Variants in MALRD1 observed in about 807,000 individuals in gnomAD.
MALRD1 encodes the protein MAM and LDL-receptor class A domain-containing protein 1.
A neutral mutation model predicts 242.1 loss-of-function variants in MALRD1; 247 were observed. The observed-to-expected ratio is 1.02, with a 90% CI of 0.92 to 1.13. The LOEUF (loss-of-function observed/expected upper bound fraction) is 1.13, where lower values mean the gene tolerates loss of function less well. Ranked by LOEUF, MALRD1 falls within the 50% of genes most tolerant of loss-of-function variation. MALRD1 has a pLI of 0.00. For synonymous variants in MALRD1, 995 were observed against 866.6 expected, an observed-to-expected ratio of 1.15 and a Z score of -2.60; for missense variants, 2,989 against 2,533.1, an observed-to-expected ratio of 1.18 and a Z score of -3.86.
chr10:19,242,045 GTAT>G (rs1204192470), intron 18 of MALRD1, among the ~76,000 whole-genome samples: 6 of 152,116 alleles, frequency 3.9e-5, no homozygotes, highest in Non-Finnish European at 8.8e-5. Context: ...GTTGGATGAT[GTAT>G]TAGTCTGTTT....
At position 19,655,441 on chromosome 10, in the gene MALRD1, T is replaced by G. The variant is rs372853713; in HGVS notation, c.6138-36841T>G. Among the ~76,000 whole-genome samples, 32 of 150,470 alleles carry G rather than the reference T, an allele frequency of 2.1e-4. 1 individual carries two copies. The highest frequency in any genetic ancestry group is 7.0e-4 in the African/African-American group (29 of 41,158). Reference sequence around the variant, plus strand: ...ATTATTGTTGATTTGAAGATATTCTTGACATCAAAGAGCCTAGAGATCCCA... The same window carrying G: ...ATTATTGTTGATTTGAAGATATTCTGGACATCAAAGAGCCTAGAGATCCCA... On this transcript the variant is annotated intron_variant, in intron 36 of 39. Transcript: ENST00000454679.
chr10:19,728,672 T>A (rs1193907867), intron 38 of MALRD1: 2 of 152,216 alleles, frequency 1.3e-5, no homozygotes, highest in Non-Finnish European at 2.9e-5. Context: ...GGTGTCAGTG[T>A]CTGTCTTATC....
At chr10:19,654,293 G>GT (rs34487676) in intron 36 of MALRD1, among the ~76,000 whole-genome samples, 28 of 151,754 alleles carry the variant, frequency 1.8e-4, no homozygotes, top group Non-Finnish European at 2.8e-4. Flanking sequence ...AAAAAGTGGG[G>GT]TTTTTTTTAG....
chr10:19,262,303 A>G (rs2131821802), intron 19 of MALRD1, among the ~76,000 whole-genome samples: 1 of 152,056 alleles, frequency 6.6e-6, no homozygotes, highest in Admixed American at 6.6e-5. Context: ...CAATCAAACT[A>G]TTAGTAATTG....
At chr10:19,383,758 T>C (rs1459382595) in intron 26 of MALRD1, among the ~76,000 whole-genome samples, 1 of 151,956 alleles carries the variant, frequency 6.6e-6, no homozygotes, top group Non-Finnish European at 1.5e-5. Context: ...AAAAACTTTA[T>C]GGGCTGCCTA....
intron 33 of MALRD1, among the ~76,000 whole-genome samples, chr10:19,594,190 C>G (rs114862858): frequency 6.6e-6 from 1 of 152,136 alleles, no homozygotes; most frequent in Non-Finnish European, 1.5e-5. Context: ...TCTTTTCACT[C>G]GAGCACAATC....
chr10:19,136,577 A>G lies in MALRD1; in HGVS notation c.1207A>G (p.Ile403Val). The G allele has an allele frequency of 7.3e-6, 9 of 1,229,802 alleles. No individual in the cohort carries two copies. Among genetic ancestry groups the G allele is most frequent in the Non-Finnish European group, 9.1e-6 (9 of 986,214 alleles). The allele number at this position is 1,229,802 out of a possible 1,614,324, so 76.2% of individuals were successfully genotyped here. A position where few individuals can be genotyped will look rare whatever the true frequency, so the allele number is the denominator to read the frequency against. Residue 403 changes from isoleucine (I) to valine (V), a missense_variant, in exon 10 of 40, where the codon ATT becomes GTT. Coordinates refer to ENST00000454679, the MANE Select transcript of MALRD1 (RefSeq NM_001142308.3). ...ATTAATCTTTTCCTTCCTAAAGATT[A>G]TTTTTGAAGGGACTCTTTTGAGCCA... Reference protein sequence around the residue: ...IPEDLKTFKIIFEGTLLSQRS... With the variant: ...IPEDLKTFKIVFEGTLLSQRS...
chr10:19,591,017 C>A (rs979456245), intron 33 of MALRD1, among the ~76,000 whole-genome samples: 1 of 152,154 alleles, frequency 6.6e-6, no homozygotes. Flanking sequence ...CAGTTAGTTT[C>A]ACCGCCCTAA....
At chr10:19,430,007 A>G (rs1745385950) in intron 28 of MALRD1, among the ~76,000 whole-genome samples, 1 of 151,820 alleles carries the variant, frequency 6.6e-6, no homozygotes. Flanking sequence ...TGTTCTCAAC[A>G]TCTCAGACTA....
chr10:19,312,029 A>G (rs1347804982), intron 21 of MALRD1, among the ~76,000 whole-genome samples: 1 of 151,406 alleles, frequency 6.6e-6, no homozygotes, highest in Non-Finnish European at 1.5e-5. Context: ...GCTATAAATA[A>G]CCGATAAAGG....
chr10:19,478,869 T>G (rs1212645770), intron 29 of MALRD1, among the ~76,000 whole-genome samples: 1 of 152,240 alleles, frequency 6.6e-6, no homozygotes, highest in African/African-American at 2.4e-5. Context: ...ATCCTCTGAA[T>G]GATTTTCAAT....
intron 29 of MALRD1, among the ~76,000 whole-genome samples, chr10:19,455,728 A>G (rs1371730950): frequency 2.0e-5 from 3 of 152,178 alleles, no homozygotes; most frequent in Non-Finnish European, 4.4e-5. Context: ...TTAGAATTCT[A>G]TTCTGTTTTG....
intron 38 of MALRD1, among the ~76,000 whole-genome samples, chr10:19,712,897 C>T (rs1834199342): frequency 6.6e-6 from 1 of 152,090 alleles, no homozygotes; most frequent in East Asian, 1.9e-4. Flanking sequence ...TACTCATATC[C>T]CTGTCAATAG....
At chr10:19,157,415 T>G (rs1186098942) in intron 12 of MALRD1, among the ~76,000 whole-genome samples, 1 of 151,822 alleles carries the variant, frequency 6.6e-6, no homozygotes, top group African/African-American at 2.4e-5. Flanking sequence ...CCCGGCTAAT[T>G]TTTTTGTATT....
rs1286755272 is a variant in MALRD1, at chr10:19,719,237, T to TAC, written c.6315-11468_6315-11467insCA. Among the ~76,000 whole-genome samples the TAC allele has an allele frequency of 1.0e-4, 13 of 124,908 alleles. 1 individual carries two copies. The highest frequency in any genetic ancestry group is 2.8e-4 in the African/African-American group (9 of 31,756). The allele number at this position is 124,908 out of a possible 152,430, so 81.9% of individuals were successfully genotyped here. A position where few individuals can be genotyped will look rare whatever the true frequency, so the allele number is the denominator to read the frequency against. On this transcript the variant is annotated intron_variant, in intron 38 of 39. Coordinates refer to ENST00000454679, the MANE Select transcript of MALRD1 (RefSeq NM_001142308.3). ...ACACATACATACATATATATATATA[T>TAC]ATATATATATATATATATATATGCT...
chr10:19,103,898 G>C, intron 4 of MALRD1, 81 bp from the exon 5 acceptor site: 5 of 791,468 alleles, frequency 6.3e-6, no homozygotes, highest in Non-Finnish European at 8.5e-6. Context: ...CCTATTGCAG[G>C]CTCTCTTTTA....
chr10:19,408,048 T>C (rs117540432), intron 28 of MALRD1, among the ~76,000 whole-genome samples: 3,031 of 152,224 alleles, frequency 0.02, 37 homozygotes, highest in Middle Eastern at 0.034. Flanking sequence ...TTTATTATAT[T>C]ATGGGTAACA....
chr10:19,531,379 T>A, intron 32 of MALRD1, 28 bp downstream of exon 32: 1 of 1,502,624 alleles, frequency 6.7e-7, no homozygotes, highest in Non-Finnish European at 9.0e-7. Flanking sequence ...AGATTTATGA[T>A]CACTGAAATA....
chr10:19,261,412 T>C (rs1338262842), intron 19 of MALRD1, among the ~76,000 whole-genome samples: 4 of 135,020 alleles, frequency 3.0e-5, no homozygotes, highest in South Asian at 2.2e-4. Context: ...AATCTTACCA[T>C]AAAATGAAAC....
Sources: allele counts gnomAD v4.1 joint callset (sites outside exome capture counted in the v4.1 genomes callset), GRCh38; gene constraint gnomAD v4.1.1; transcripts MANE v1.5; gene names NCBI Gene and HGNC (gene_info 2026-07-23, HGNC 2026-07-21).